The following MALRD1 variants were observed in gnomAD, a reference collection of about 807,000 sequenced individuals.
MALRD1 encodes MAM and LDL receptor class A domain containing 1.
In MALRD1, 247 loss-of-function variants were observed where a neutral mutation model predicts 242.1. The observed-to-expected ratio is 1.02, with a 90% CI of 0.92 to 1.13. MALRD1 has a LOEUF of 1.13. Among genes scored for constraint, MALRD1 ranks in the 50% most tolerant of loss-of-function variants. The pLI is 0.00. For synonymous variants in MALRD1, 995 were observed against 866.6 expected (o/e 1.15, Z -2.60); for missense variants, 2,989 against 2,533.1 (o/e 1.18, Z -3.86).
intron 33 of MALRD1, among the ~76,000 whole-genome samples, chr10:19,578,932 T>C (rs1836965333): frequency 6.6e-6 from 1 of 152,138 alleles, no homozygotes; most frequent in Admixed American, 6.5e-5. Context: ...ACGTGTTATA[T>C]AATGGGACGA....
chr10:19,540,257 C>T (rs912239567), intron 32 of MALRD1, among the ~76,000 whole-genome samples: 2 of 152,086 alleles, frequency 1.3e-5, no homozygotes, highest in African/African-American at 4.8e-5. Context: ...GACATATAAT[C>T]GTCAGAATAG....
At chr10:19,162,613 G>T (rs1258205607) in intron 12 of MALRD1, among the ~76,000 whole-genome samples, 3 of 152,140 alleles carry the variant, frequency 2.0e-5, no homozygotes, top group Non-Finnish European at 1.5e-5. Context: ...ACCACAATGA[G>T]ATATCATCTC....
At chr10:19,677,189 G>C (rs1468301104) in intron 36 of MALRD1, among the ~76,000 whole-genome samples, 6 of 152,120 alleles carry the variant, frequency 3.9e-5, no homozygotes, top group Admixed American at 2.0e-4. Flanking sequence ...CCAGTAATGG[G>C]ATTGCTGGGT....
At chr10:19,672,929 C>T (rs1486375665) in intron 36 of MALRD1, among the ~76,000 whole-genome samples, 2 of 152,084 alleles carry the variant, frequency 1.3e-5, no homozygotes, top group Non-Finnish European at 2.9e-5. Flanking sequence ...GCTTATATAA[C>T]ATGAGGATTA....
At chr10:19,306,884 G>T (rs557707633) in intron 21 of MALRD1, among the ~76,000 whole-genome samples, 1 of 151,348 alleles carries the variant, frequency 6.6e-6, no homozygotes, top group Non-Finnish European at 1.5e-5. Flanking sequence ...GAGAACAGTA[G>T]CATGGGAGTA....
At position 19,600,680 on chromosome 10, in the gene MALRD1, A is replaced by G. The variant is rs76150948; in HGVS notation, c.5944+5223A>G. On this transcript the variant is annotated intron_variant, in intron 34 of 39. Coordinates refer to ENST00000454679, the MANE Select transcript of MALRD1 (RefSeq NM_001142308.3). ...ATAGTCTTACATATTCTACGTTTGA[A>G]TATATTTTCCATGCAGCAACGATAA... Among the ~76,000 whole-genome samples the G allele has an allele frequency of 3.9e-3, 601 of 152,226 alleles. 5 individuals are homozygous for G. The highest frequency in any genetic ancestry group is 0.014 in the African/African-American group (566 of 41,540).
intron 2 of MALRD1, among the ~76,000 whole-genome samples, chr10:19,069,036 A>T (rs998966846): frequency 3.3e-5 from 5 of 152,104 alleles, no homozygotes; most frequent in African/African-American, 1.2e-4. Flanking sequence ...AGGATGGTGA[A>T]ACTGCCTTTA....
At chr10:19,521,455 T>C (rs1405496972) in intron 31 of MALRD1, among the ~76,000 whole-genome samples, 1 of 152,096 alleles carries the variant, frequency 6.6e-6, no homozygotes. Flanking sequence ...GTTTTCGTTA[T>C]AAATATATAT....
intron 33 of MALRD1, among the ~76,000 whole-genome samples, chr10:19,576,741 T>A (rs1213205846): frequency 6.6e-6 from 1 of 152,154 alleles, no homozygotes; most frequent in African/African-American, 2.4e-5. Flanking sequence ...AGCACAGCCC[T>A]TTATCTCCTC....
intron 32 of MALRD1, among the ~76,000 whole-genome samples, chr10:19,555,514 T>C (rs1306527098): frequency 6.6e-6 from 1 of 152,090 alleles, no homozygotes; most frequent in Admixed American, 6.6e-5. Context: ...GAAAAAGTCA[T>C]GTGAAGCTGT....
Position 19,244,571 on chromosome 10 carries a change from AC to A in MALRD1, c.2992-13112del, listed in dbSNP as rs201488473. Among the ~76,000 whole-genome samples, 700 of 151,366 alleles carry A rather than the reference AC, an allele frequency of 4.6e-3. 5 individuals are homozygous for A. The highest frequency in any genetic ancestry group is 0.014 in the African/African-American group (584 of 41,420). On this transcript the variant is annotated intron_variant, in intron 18 of 39. Transcript: ENST00000454679. ...CGAAGTCAGACCCTGTTTCAAAAAA[AC>A]AAAAAAAATCTAGTGAGATTTGATT...
At chr10:19,274,433 C>G (rs1840401857) in intron 19 of MALRD1, among the ~76,000 whole-genome samples, 1 of 152,068 alleles carries the variant, frequency 6.6e-6, no homozygotes, top group Non-Finnish European at 1.5e-5. Context: ...GAGAGTAAAG[C>G]TTTCATGGAT....
chr10:19,715,810 T>TGA (rs1834357384), intron 38 of MALRD1, among the ~76,000 whole-genome samples: 4 of 151,906 alleles, frequency 2.6e-5, no homozygotes, highest in Non-Finnish European at 4.4e-5. Flanking sequence ...CAAGAGTGAT[T>TGA]GAGAGAGAGA....
At chr10:19,650,844 A>G (rs1236109920) in intron 36 of MALRD1, among the ~76,000 whole-genome samples, 5 of 152,122 alleles carry the variant, frequency 3.3e-5, no homozygotes, top group Admixed American at 3.3e-4. Flanking sequence ...TATTAGGTTT[A>G]GTATCAGCGG....
intron 12 of MALRD1, among the ~76,000 whole-genome samples, chr10:19,158,919 G>A (rs1453998253): frequency 6.6e-6 from 1 of 152,142 alleles, no homozygotes; most frequent in African/African-American, 2.4e-5. Context: ...AAGTAATTTT[G>A]GATCATGTCC....
chr10:19,269,406 A>G (rs545669106), intron 19 of MALRD1, among the ~76,000 whole-genome samples: 2 of 152,322 alleles, frequency 1.3e-5, no homozygotes, highest in East Asian at 3.9e-4. Flanking sequence ...GCATCACCTG[A>G]GTTAAGAGTG....
intron 36 of MALRD1, among the ~76,000 whole-genome samples, chr10:19,617,292 C>T (rs1231587690): frequency 1.3e-5 from 2 of 151,868 alleles, no homozygotes; most frequent in African/African-American, 4.8e-5. Flanking sequence ...GGAGATGAGA[C>T]AGAGAATTGA....
chr10:19,098,135 T>G (rs1394267831), intron 4 of MALRD1, among the ~76,000 whole-genome samples: 4 of 152,142 alleles, frequency 2.6e-5, no homozygotes, highest in Admixed American at 1.3e-4. Flanking sequence ...TTTCACTCCT[T>G]TTTGTTGTTG....
intron 36 of MALRD1, among the ~76,000 whole-genome samples, chr10:19,683,332 A>G (rs1016514655): frequency 6.6e-6 from 1 of 152,228 alleles, no homozygotes; most frequent in Non-Finnish European, 1.5e-5. Context: ...GGGAAAAGCC[A>G]CAACCAGAAT....
Sources: allele counts gnomAD v4.1 joint callset (sites outside exome capture counted in the v4.1 genomes callset), GRCh38; gene constraint gnomAD v4.1.1; transcripts MANE v1.5; gene names NCBI Gene and HGNC (gene_info 2026-07-23, HGNC 2026-07-21).